The following TRPC4AP variants were observed in gnomAD, a reference collection of about 807,000 sequenced individuals.
TRPC4AP encodes transient receptor potential cation channel subfamily C member 4 associated protein, also known as short transient receptor potential channel 4-associated protein.
Under a neutral mutation model 99.0 loss-of-function variants are expected in TRPC4AP, and 45 were observed. The ratio of observed to expected loss-of-function variants is 0.45; its 90% CI spans 0.36 to 0.58. TRPC4AP has a LOEUF of 0.58. Among genes scored for constraint, TRPC4AP ranks in the 20% least tolerant of loss-of-function variants. The probability of loss-of-function intolerance (pLI) is 0.00; values close to 1 mark genes in which losing one functional copy is unlikely to be tolerated. For missense variants in TRPC4AP, 879 were observed against 985.3 expected (o/e 0.89, Z 1.44); for synonymous variants, 408 against 385.8 (o/e 1.06, Z -0.67).
intron 11 of TRPC4AP, among the ~76,000 whole-genome samples, chr20:35,011,291 T>C (rs1463774742): frequency 6.6e-6 from 1 of 152,060 alleles, no homozygotes; most frequent in Non-Finnish European, 1.5e-5. Flanking sequence ...ACATTTAATA[T>C]ATCTAACCCA....
intron 2 of TRPC4AP, among the ~76,000 whole-genome samples, chr20:35,070,613 T>C (rs1380903598): frequency 6.6e-6 from 1 of 152,140 alleles, no homozygotes; most frequent in Non-Finnish European, 1.5e-5. Context: ...GGTTTCACCG[T>C]GGTCTCCATC....
intron 1 of TRPC4AP, among the ~76,000 whole-genome samples, chr20:35,090,960 A>T (rs1363908281): frequency 6.6e-6 from 1 of 152,096 alleles, no homozygotes; most frequent in East Asian, 1.9e-4. Flanking sequence ...TTATGTGCTC[A>T]CTAAAAGTTA....
chr20:35,004,706 G>A lies in TRPC4AP; in HGVS notation c.1937-136C>T, dbSNP rs557675451. The A allele has an allele frequency of 1.3e-5, 9 of 688,690 alleles. No individual in the cohort carries two copies. In the Admixed American group the frequency reaches 1.8e-4, roughly 14 times the overall value. The allele number at this position is 688,690 out of a possible 1,614,324, so 42.7% of individuals were successfully genotyped here. On this transcript the variant is annotated intron_variant, in intron 16 of 18. Transcript: ENST00000252015. ...CATCAAAACAGCTTCAACGAAAGCT[G>A]ACTGTGGCAGAAAGAAGGACCTCCA...
chr20:35,057,086 G>A (rs937276004), intron 4 of TRPC4AP, among the ~76,000 whole-genome samples: 4 of 150,480 alleles, frequency 2.7e-5, no homozygotes, highest in Middle Eastern at 3.4e-3. Context: ...CCCAGCTTAA[G>A]AAATAGTGCA....
At chr20:35,076,566 CTGCAGAACAGCAAATAT>C (rs1569147408) in intron 2 of TRPC4AP, among the ~76,000 whole-genome samples, 3 of 152,218 alleles carry the variant, frequency 2.0e-5, no homozygotes, top group Non-Finnish European at 1.5e-5. Context: ...CCAGCAGAGG[CTGCAGAACAGCAAATAT>C]TGCAGAACGG....
intron 2 of TRPC4AP, 36 bp from the exon 3 acceptor site, chr20:35,069,448 A>G (rs1458270795): frequency 7.5e-7 from 1 of 1,325,652 alleles, no homozygotes; most frequent in Non-Finnish European, 1.1e-6. Flanking sequence ...ACATTGTTTT[A>G]GTAACCAACA....
At chr20:35,045,803 G>T (rs1189077262) in intron 6 of TRPC4AP, among the ~76,000 whole-genome samples, 1 of 151,868 alleles carries the variant, frequency 6.6e-6, no homozygotes, top group Non-Finnish European at 1.5e-5. Context: ...GCCTCCCAAA[G>T]TGCTGGGATT....
chr20:35,060,178 T>C (rs189558886), intron 3 of TRPC4AP, among the ~76,000 whole-genome samples: 137 of 152,226 alleles, frequency 9.0e-4, no homozygotes, highest in South Asian at 2.9e-3. Flanking sequence ...GAGGCGAGTA[T>C]TACCCTGATA....
chr20:35,088,306 TAGTA>T (rs1366596534), intron 1 of TRPC4AP, among the ~76,000 whole-genome samples: 1 of 152,108 alleles, frequency 6.6e-6, no homozygotes, highest in Non-Finnish European at 1.5e-5. Context: ...TAAAGACACA[TAGTA>T]AGTAAATACC....
intron 1 of TRPC4AP, among the ~76,000 whole-genome samples, chr20:35,080,543 A>AGC (rs61653757): frequency 1.4e-5 from 2 of 146,886 alleles, no homozygotes; most frequent in Non-Finnish European, 3.0e-5. Context: ...CTAAAAAAAA[A>AGC]AAAAAAAAAA....
At chr20:35,086,119 G>A (rs1600672037) in intron 1 of TRPC4AP, among the ~76,000 whole-genome samples, 1 of 150,874 alleles carries the variant, frequency 6.6e-6, no homozygotes, top group Admixed American at 6.6e-5. Context: ...ACCACGCCCG[G>A]ATAATTTTTT....
At chr20:35,090,411 A>G (rs1326829177) in intron 1 of TRPC4AP, among the ~76,000 whole-genome samples, 4 of 112,378 alleles carry the variant, frequency 3.6e-5, no homozygotes, top group Non-Finnish European at 6.7e-5. Flanking sequence ...AAGTCTCACT[A>G]TGTCACCCAG....
At chr20:35,040,907 G>A (rs1236580607) in intron 7 of TRPC4AP, among the ~76,000 whole-genome samples, 1 of 152,192 alleles carries the variant, frequency 6.6e-6, no homozygotes, top group African/African-American at 2.4e-5. Context: ...AGTAATTAAG[G>A]TTAAATGAGG....
rs532015832 is a variant in TRPC4AP at position 35,052,376 on chromosome 20, G to A, written c.529-2382C>T. On this transcript the variant is annotated intron_variant, in intron 5 of 18. Transcript: ENST00000252015. ...ATCAAAGTGTTGAGATTATAGGTGT[G>A]AGCCACTGCGCCCAGCCTAATCATA... Among the ~76,000 whole-genome samples the A allele has an allele frequency of 2.0e-5, 3 of 152,140 alleles. No homozygotes were observed. In the East Asian group the frequency reaches 5.8e-4, roughly 29 times the overall value.
At chr20:35,024,854 A>AAAAAAAAAACAT (rs1479270980) in intron 8 of TRPC4AP, among the ~76,000 whole-genome samples, 3,298 of 89,078 alleles carry the variant, frequency 0.037, 738 homozygotes, top group East Asian at 0.071. Context: ...AAAAAAAAAA[A>AAAAAAAAAACAT]ATTCTGTTTA....
At chr20:35,047,928 T>C (rs1488368870) in intron 6 of TRPC4AP, among the ~76,000 whole-genome samples, 2 of 152,124 alleles carry the variant, frequency 1.3e-5, no homozygotes, top group South Asian at 2.1e-4. Flanking sequence ...GCACAAGATA[T>C]GTGCCTGTTC....
At chr20:35,039,841 AATT>A (rs1178246494) in intron 7 of TRPC4AP, among the ~76,000 whole-genome samples, 1 of 151,880 alleles carries the variant, frequency 6.6e-6, no homozygotes, top group East Asian at 1.9e-4. Flanking sequence ...CTCAAAAAAT[AATT>A]ATTTATTTTA....
chr20:35,065,788 T>A (rs1268064830), intron 3 of TRPC4AP, among the ~76,000 whole-genome samples: 1 of 152,204 alleles, frequency 6.6e-6, no homozygotes, highest in African/African-American at 2.4e-5. Flanking sequence ...GAGAGCCACA[T>A]TTCCACTGCA....
intron 8 of TRPC4AP, among the ~76,000 whole-genome samples, chr20:35,022,102 G>A (rs934548634): frequency 6.6e-6 from 1 of 150,694 alleles, no homozygotes; most frequent in Non-Finnish European, 1.5e-5. Context: ...CAGACTGAAT[G>A]GGAACGTAAG....
Sources: gnomAD v4.1 joint callset for allele counts (sites outside exome capture counted in the v4.1 genomes callset) on GRCh38, gnomAD v4.1.1 for gene constraint, MANE v1.5 for transcripts, NCBI Gene and HGNC (gene_info 2026-07-23, HGNC 2026-07-21) for gene names.